ESRRB: variants seen among roughly 807,000 people sequenced by gnomAD.
ESRRB encodes estrogen related receptor beta.
In ESRRB, 16 loss-of-function variants were observed where a neutral mutation model predicts 46.0. The ratio of observed to expected loss-of-function variants is 0.35; its 90% confidence interval spans 0.24 to 0.53. ESRRB has a LOEUF of 0.53. ESRRB is among the 20% of genes least tolerant of loss of function. The pLI, the probability that ESRRB is intolerant of heterozygous loss-of-function variation, is 0.93. For missense variants in ESRRB, 488 were observed against 607.4 expected, an observed-to-expected ratio of 0.80 and a Z score of 2.07; for synonymous variants, 246 against 259.6, an observed-to-expected ratio of 0.95 and a Z score of 0.50.
chr14:76,447,812 C>T (rs897790539), intron 2 of ESRRB, among the ~76,000 whole-genome samples: 30 of 152,136 alleles, frequency 2.0e-4, no homozygotes, highest in Admixed American at 1.3e-4. Context: ...TCTTCCTTCC[C>T]CTGCTTCAGC....
At chr14:76,472,100 A>G (rs2140011401) in intron 3 of ESRRB, among the ~76,000 whole-genome samples, 1 of 152,330 alleles carries the variant, frequency 6.6e-6, no homozygotes, top group Admixed American at 6.5e-5. Flanking sequence ...ATTCCTTCTA[A>G]GAAGCCTATT....
chr14:76,417,135 T>G (rs1886740554), intron 1 of ESRRB, among the ~76,000 whole-genome samples: 1 of 151,930 alleles, frequency 6.6e-6, no homozygotes, highest in Non-Finnish European at 1.5e-5. Flanking sequence ...AGACTCCATC[T>G]CAAAAACAAA....
In ESRRB at chr14:76,499,826, T is replaced by G. The variant is rs1284337266; in HGVS notation, c.*1368T>G. ...GATGGCCGTGAAAGTTTTCACTAAC[T>G]CAAGGGGCAGCCCTGAACACCCATT... On this transcript the variant is annotated 3_prime_UTR_variant, in exon 7 of 7. Coordinates refer to ENST00000644823, the MANE Select transcript of ESRRB (RefSeq NM_001379180.1). 1.3e-6 allele frequency: 2 copies of G among 1,579,154 alleles called. No homozygotes were observed. The highest frequency in any genetic ancestry group is 2.7e-5 in the African/African-American group (2 of 74,222).
At chr14:76,467,936 C>A (rs1187238002) in intron 3 of ESRRB, among the ~76,000 whole-genome samples, 1 of 152,142 alleles carries the variant, frequency 6.6e-6, no homozygotes, top group Non-Finnish European at 1.5e-5. Flanking sequence ...TCAGCCCCTG[C>A]CTGCCTTTCC....
intron 2 of ESRRB, among the ~76,000 whole-genome samples, chr14:76,460,143 G>A (rs1467277312): frequency 6.6e-6 from 1 of 152,170 alleles, no homozygotes; most frequent in Non-Finnish European, 1.5e-5. Context: ...AATAGAAAAG[G>A]TTTCCATCCA....
Position 76,491,554 on chromosome 14 carries a change from C to G in ESRRB, c.958C>G (p.Leu320Val). 1 of 1,592,656 alleles carries G rather than the reference C, an allele frequency of 6.3e-7. No homozygotes were observed. ...VYRSLPYDDK[L>V]VYAEDYIMDE... ...CCGCTCGCTGCCCTATGACGACAAG[C>G]TGGTGTACGCTGAGGACTACATCAT... The change falls in exon 6 of 7, where the codon CTG becomes GTG. Residue 320 changes from leucine to valine, a missense_variant. Physicochemically the swap from Leu to Val is conservative, Grantham distance 32. Transcript: ENST00000644823.
At position 76,499,057 on chromosome 14, in the gene ESRRB, T is replaced by G. The variant is rs1890554445; in HGVS notation, c.*599T>G. 1 of 341,226 alleles carries G rather than the reference T, an allele frequency of 2.9e-6. No homozygotes were observed. The highest frequency in any genetic ancestry group is 2.2e-5 in the African/African-American group (1 of 46,250). The allele number at this position is 341,226 out of a possible 1,614,324, so 21.1% of individuals were successfully genotyped here. ...CCCACAGGAGAGCAGCGGCTAGAGCTCAAGTGCTTCCTGGGCACCCCACCC... is the reference window on the plus strand; with the variant it reads ...CCCACAGGAGAGCAGCGGCTAGAGCGCAAGTGCTTCCTGGGCACCCCACCC... On this transcript the variant is annotated 3_prime_UTR_variant, in exon 7 of 7. Transcript: ENST00000644823.
chr14:76,481,710 T>C (rs1889811811), intron 3 of ESRRB, among the ~76,000 whole-genome samples: 1 of 152,224 alleles, frequency 6.6e-6, no homozygotes, highest in Non-Finnish European at 1.5e-5. Context: ...CCGCCAACAC[T>C]TGGTAGAGTG....
intron 1 of ESRRB, among the ~76,000 whole-genome samples, chr14:76,391,542 C>T (rs1290825915): frequency 6.6e-6 from 1 of 152,204 alleles, no homozygotes; most frequent in Non-Finnish European, 1.5e-5. Context: ...AGACAAATGC[C>T]CTTTGGAGCG....
chr14:76,473,538 C>T (rs937891979), intron 3 of ESRRB, among the ~76,000 whole-genome samples: 1 of 152,224 alleles, frequency 6.6e-6, no homozygotes, highest in African/African-American at 2.4e-5. Flanking sequence ...TGCAGGGCCA[C>T]GCTTTGCAGA....
chr14:76,436,149 G>A lies in ESRRB; in HGVS notation c.51-3192G>A, dbSNP rs559768502. 2.0e-5 allele frequency among the ~76,000 whole-genome samples: 3 copies of A among 152,350 alleles called. No homozygotes were observed. In the South Asian group the frequency reaches 6.2e-4, roughly 32 times the overall value. On this transcript the variant is annotated intron_variant, in intron 1 of 6. Transcript: ENST00000644823. ...CCCTTCTGAATCAAGGAGGGGAGCGGAAGAGGAAACCAAGGCTTGGGGAGC... is the reference window on the plus strand; with the variant it reads ...CCCTTCTGAATCAAGGAGGGGAGCGAAAGAGGAAACCAAGGCTTGGGGAGC...
chr14:76,412,298 G>T (rs540025092), intron 1 of ESRRB, among the ~76,000 whole-genome samples: 16 of 152,354 alleles, frequency 1.1e-4, no homozygotes, highest in African/African-American at 3.1e-4. Context: ...GTGGCTTCAT[G>T]TTCTTCAGTA....
At chr14:76,465,334 C>CCTAAAGAG (rs1889060635) in intron 3 of ESRRB, among the ~76,000 whole-genome samples, 1 of 152,162 alleles carries the variant, frequency 6.6e-6, no homozygotes, top group African/African-American at 2.4e-5. Flanking sequence ...CATCTTGTAA[C>CCTAAAGAG]ACTGAGCAGA....
At chr14:76,312,852 G>A (rs1050320456) in intron 1 of ESRRB, among the ~76,000 whole-genome samples, 1 of 152,058 alleles carries the variant, frequency 6.6e-6, no homozygotes, top group African/African-American at 2.4e-5. Flanking sequence ...AGATCTCAAT[G>A]GCTTTTGAGA....
At chr14:76,470,795 C>T (rs896041374) in intron 3 of ESRRB, among the ~76,000 whole-genome samples, 2 of 152,124 alleles carry the variant, frequency 1.3e-5, no homozygotes, top group African/African-American at 4.8e-5. Context: ...TCAAGAGATC[C>T]TCCCCACCTC....
rs553766207 is a variant in ESRRB at position 76,431,982 on chromosome 14, A to G, written c.51-7359A>G. On this transcript the variant is annotated intron_variant, in intron 1 of 6. Transcript: ENST00000644823. The stretch of plus-strand genomic sequence containing the variant: ...TCTCAGGCCTAGACGCCGTCTCCCA[A>G]CCTTCCAGCTTTCTTGCTTCTTCCT... Among the ~76,000 whole-genome samples, 8 of 152,152 alleles carry G rather than the reference A, an allele frequency of 5.3e-5. No homozygotes were observed. In the South Asian group the frequency reaches 1.5e-3, roughly 28 times the overall value.
intron 1 of ESRRB, among the ~76,000 whole-genome samples, chr14:76,423,567 G>A (rs1027104140): frequency 2.6e-5 from 4 of 152,224 alleles, no homozygotes; most frequent in South Asian, 2.1e-4. Context: ...CTCCTGGGGC[G>A]CTGGTGGACT....
At chr14:76,484,990 A>T (rs1300474543) in intron 5 of ESRRB, among the ~76,000 whole-genome samples, 1 of 152,190 alleles carries the variant, frequency 6.6e-6, no homozygotes, top group Non-Finnish European at 1.5e-5. Flanking sequence ...TAGTAATAAA[A>T]GCCTCCTTTC....
chr14:76,409,709 C>T (rs1247115556), intron 1 of ESRRB, among the ~76,000 whole-genome samples: 4 of 151,926 alleles, frequency 2.6e-5, no homozygotes, highest in African/African-American at 9.7e-5. Context: ...GGAGCCAGGG[C>T]CCCCCTAATT....
Sources: gnomAD v4.1 joint callset for allele counts (sites outside exome capture counted in the v4.1 genomes callset) on GRCh38, gnomAD v4.1.1 for gene constraint, MANE v1.5 for transcripts, NCBI Gene and HGNC (gene_info 2026-07-23, HGNC 2026-07-21) for gene names.